CCDC91: variants seen among roughly 807,000 people sequenced by gnomAD.
The protein encoded by CCDC91 is coiled-coil domain containing 91.
CCDC91 carries 48 observed loss-of-function variants against 63.2 expected under a neutral mutation model. The observed-to-expected ratio is 0.76, with a 90% CI of 0.60 to 0.97. The LOEUF is 0.97. Among genes scored for constraint, CCDC91 ranks in the 50% least tolerant of loss-of-function variants. The pLI is 0.00. For synonymous variants in CCDC91, 167 were observed against 165.8 expected, an observed-to-expected ratio of 1.01 and a Z score of -0.06; for missense variants, 500 against 494.6, an observed-to-expected ratio of 1.01 and a Z score of -0.10.
Position 28,190,554 on chromosome 12 carries a change from C to A in CCDC91, c.-102C>A. On this transcript the variant is annotated 5_prime_UTR_variant, in exon 1 of 13. Coordinates refer to ENST00000536442, the MANE Select transcript of CCDC91 (RefSeq NM_018318.5). ...CCTGGGGCCGTGCCTCGGGTGTACG[C>A]GTAGGGGTCTGTGTGCTGGGGGTGG... 1 of 153,820 alleles carries A rather than the reference C, an allele frequency of 6.5e-6. No individual in the cohort carries two copies. Among genetic ancestry groups the A allele is most frequent in the Non-Finnish European group, 1.4e-5 (1 of 69,168 alleles). The allele number at this position is 153,820 out of a possible 1,614,324, so 9.5% of individuals were successfully genotyped here. A position where few individuals can be genotyped will look rare whatever the true frequency, so the allele number is the denominator to read the frequency against.
intron 3 of CCDC91, among the ~76,000 whole-genome samples, chr12:28,273,810 A>G (rs1947978243): frequency 6.6e-6 from 1 of 152,048 alleles, no homozygotes; most frequent in Admixed American, 6.6e-5. Context: ...CTCTGATGGT[A>G]GTTTCTTTTG....
chr12:28,246,153 G>A (rs1945715775), intron 1 of CCDC91, among the ~76,000 whole-genome samples: 1 of 152,100 alleles, frequency 6.6e-6, no homozygotes, highest in African/African-American at 2.4e-5. Flanking sequence ...CATACTGCAG[G>A]ATACCCTTTA....
At chr12:28,191,881 G>A (rs1941284156) in intron 1 of CCDC91, among the ~76,000 whole-genome samples, 1 of 152,180 alleles carries the variant, frequency 6.6e-6, no homozygotes. Flanking sequence ...AATTGCCCTG[G>A]TTACGAAGTT....
At chr12:28,519,060 A>G (rs1332867605) in intron 12 of CCDC91, among the ~76,000 whole-genome samples, 1 of 151,796 alleles carries the variant, frequency 6.6e-6, no homozygotes, top group Non-Finnish European at 1.5e-5. Context: ...ATTTGGGGAT[A>G]GTTTTTTTTC....
intron 12 of CCDC91, among the ~76,000 whole-genome samples, chr12:28,484,388 G>T (rs879415542): frequency 3.3e-5 from 5 of 152,100 alleles, no homozygotes; most frequent in Admixed American, 3.3e-4. Context: ...TTTGTTGGTA[G>T]ACTCCTAGAA....
intron 12 of CCDC91, among the ~76,000 whole-genome samples, chr12:28,546,974 A>C (rs1237177255): frequency 6.6e-6 from 1 of 152,140 alleles, no homozygotes; most frequent in Non-Finnish European, 1.5e-5. Flanking sequence ...GTCAATGGGA[A>C]AGTAGCTAAA....
chr12:28,220,117 GGTTGA>G (rs929300400), intron 1 of CCDC91, among the ~76,000 whole-genome samples: 7 of 151,896 alleles, frequency 4.6e-5, no homozygotes. Context: ...ATCATTACAT[GGTTGA>G]GTTTAAATAT....
chr12:28,492,706 A>G lies in CCDC91; in HGVS notation c.1215+8541A>G, dbSNP rs552967252. On this transcript the variant is annotated intron_variant, in intron 12 of 12. Transcript: ENST00000536442. ...AAGGGCAGGAGGTACTCAGTAATAT[A>G]CAAAAGGACTGGCCAAGAGAACAGC... Among the ~76,000 whole-genome samples the G allele has an allele frequency of 1.1e-4, 17 of 151,774 alleles. No individual in the cohort carries two copies. The East Asian group carries it at 3.1e-3, about 28-fold the overall frequency.
chr12:28,473,835 T>C (rs1482694695), intron 11 of CCDC91, among the ~76,000 whole-genome samples: 2 of 152,086 alleles, frequency 1.3e-5, no homozygotes, highest in African/African-American at 4.8e-5. Flanking sequence ...GCTCCTTTCT[T>C]CCCCCTCAGG....
chr12:28,423,118 T>C (rs1004913220), intron 8 of CCDC91, among the ~76,000 whole-genome samples: 1 of 152,042 alleles, frequency 6.6e-6, no homozygotes, highest in African/African-American at 2.4e-5. Context: ...TCCAGGAGAA[T>C]TGTGACCAAG....
At chr12:28,303,017 T>G (rs1938247415) in intron 3 of CCDC91, among the ~76,000 whole-genome samples, 1 of 152,028 alleles carries the variant, frequency 6.6e-6, no homozygotes, top group Admixed American at 6.6e-5. Context: ...AAGGAAATGG[T>G]AGTCAAAGTG....
intron 12 of CCDC91, among the ~76,000 whole-genome samples, chr12:28,534,734 T>C (rs886285649): frequency 6.6e-6 from 1 of 152,196 alleles, no homozygotes; most frequent in Non-Finnish European, 1.5e-5. Context: ...CATGAACTAA[T>C]GAACTTTTGG....
chr12:28,485,090 T>C (rs780094873), intron 12 of CCDC91, among the ~76,000 whole-genome samples: 10 of 151,650 alleles, frequency 6.6e-5, no homozygotes, highest in Non-Finnish European at 1.3e-4. Context: ...TACGATAAGA[T>C]ATTATCCTGC....
At chr12:28,540,993 A>G (rs551467152) in intron 12 of CCDC91, among the ~76,000 whole-genome samples, 1 of 152,262 alleles carries the variant, frequency 6.6e-6, no homozygotes, top group East Asian at 1.9e-4. Context: ...TGAGATGACT[A>G]GAGTCCTAGC....
chr12:28,368,844 GA>G (rs1944433905), intron 7 of CCDC91, among the ~76,000 whole-genome samples: 1 of 151,998 alleles, frequency 6.6e-6, no homozygotes, highest in Non-Finnish European at 1.5e-5. Context: ...GAGAGAGAGA[GA>G]GAGAGAGAGA....
At chr12:28,207,882 C>T (rs1456739827) in intron 1 of CCDC91, among the ~76,000 whole-genome samples, 1 of 152,198 alleles carries the variant, frequency 6.6e-6, no homozygotes, top group African/African-American at 2.4e-5. Flanking sequence ...AGGTGCATAG[C>T]ACTGATAACT....
In CCDC91 at chr12:28,492,388, A is replaced by G. The variant is rs376304860; in HGVS notation, c.1215+8223A>G. On this transcript the variant is annotated intron_variant, in intron 12 of 12. Transcript: ENST00000536442. The stretch of plus-strand genomic sequence containing the variant: ...ATTTATAAAGATTTTTTTATATGTT[A>G]TTTGACTCTTATAATCTATAATCAC... 1.4e-4 allele frequency among the ~76,000 whole-genome samples: 21 copies of G among 151,832 alleles called. 1 individual carries two copies. In the East Asian group the frequency reaches 2.5e-3, roughly 18 times the overall value.
chr12:28,508,775 C>T (rs1468546536), intron 12 of CCDC91, among the ~76,000 whole-genome samples: 3 of 151,900 alleles, frequency 2.0e-5, no homozygotes, highest in Non-Finnish European at 4.4e-5. Flanking sequence ...CACATATTAT[C>T]TGAGTCAGTT....
At chr12:28,200,343 G>T (rs1942127619) in intron 1 of CCDC91, among the ~76,000 whole-genome samples, 1 of 148,418 alleles carries the variant, frequency 6.7e-6, no homozygotes, top group South Asian at 2.2e-4. Context: ...GGGGGATTTG[G>T]CAGGGTCATA....
Sources: allele counts gnomAD v4.1 joint callset (sites outside exome capture counted in the v4.1 genomes callset), GRCh38; gene constraint gnomAD v4.1.1; transcripts MANE v1.5; gene names NCBI Gene and HGNC (gene_info 2026-07-23, HGNC 2026-07-21).